The following SLC35F3 variants were observed in gnomAD, a reference collection of about 807,000 sequenced individuals.
The protein encoded by SLC35F3 is solute carrier family 35 member F3.
A neutral mutation model predicts 49.9 loss-of-function variants in SLC35F3; 25 were observed. The observed-to-expected ratio is 0.50, with a 90% confidence interval of 0.37 to 0.70. The LOEUF (loss-of-function observed/expected upper bound fraction) is 0.70. SLC35F3 is among the 30% of genes least tolerant of loss of function. SLC35F3 has a pLI of 0.00. For synonymous variants in SLC35F3, 275 were observed against 265.4 expected, an observed-to-expected ratio of 1.04 and a Z score of -0.35; for missense variants, 525 against 639.8, an observed-to-expected ratio of 0.82 and a Z score of 1.94.
intron 2 of SLC35F3, among the ~76,000 whole-genome samples, chr1:234,228,876 A>G (rs1408847599): frequency 1.3e-5 from 2 of 152,236 alleles, no homozygotes; most frequent in African/African-American, 4.8e-5. Context: ...TTTGTGATGT[A>G]TGTATAAAGA....
At chr1:233,922,982 G>T (rs1048981103) in intron 2 of SLC35F3, among the ~76,000 whole-genome samples, 1 of 151,934 alleles carries the variant, frequency 6.6e-6, no homozygotes, top group Non-Finnish European at 1.5e-5. Flanking sequence ...ATTTCTGAGG[G>T]CTCTATTATG....
chr1:234,186,415 C>T (rs765094749), intron 2 of SLC35F3, among the ~76,000 whole-genome samples: 9 of 152,224 alleles, frequency 5.9e-5, no homozygotes, highest in African/African-American at 1.9e-4. Flanking sequence ...TCAGTGGATG[C>T]GTAGCAAACC....
intron 2 of SLC35F3, among the ~76,000 whole-genome samples, chr1:234,190,787 G>A (rs1220493607): frequency 5.3e-5 from 8 of 152,154 alleles, no homozygotes; most frequent in Non-Finnish European, 8.8e-5. Flanking sequence ...CAGTGTGGCC[G>A]ACTGCCACAG....
intron 2 of SLC35F3, among the ~76,000 whole-genome samples, chr1:234,045,940 T>C (rs565299763): frequency 1.3e-5 from 2 of 152,260 alleles, no homozygotes; most frequent in East Asian, 1.9e-4. Context: ...TCAACTACTA[T>C]TTATTATATT....
In SLC35F3 at chr1:234,320,892, A is replaced by G. The variant is rs1418988122; in HGVS notation, c.1237+705A>G. On this transcript the variant is annotated intron_variant, in intron 7 of 7. Transcript: ENST00000366618. The surrounding 1 kb of genome is among the most constrained non-coding windows in gnomAD (Gnocchi z 4.8). ...TTTCTTCCCAGAACCTCCTGGCCTC[A>G]TACCTGACCTCCCTAGGCATCCTTC... Among the ~76,000 whole-genome samples, 2 of 152,014 alleles carry G rather than the reference A, an allele frequency of 1.3e-5. No individual in the cohort carries two copies. Among genetic ancestry groups the G allele is most frequent in the Non-Finnish European group, 2.9e-5 (2 of 68,004 alleles).
intron 3 of SLC35F3, among the ~76,000 whole-genome samples, chr1:234,244,661 A>G (rs1024306015): frequency 1.3e-5 from 2 of 151,672 alleles, no homozygotes; most frequent in African/African-American, 4.8e-5. Context: ...AAATTAGTAG[A>G]CTAGCAGAGG....
chr1:234,227,297 T>TA (rs1036011378), intron 2 of SLC35F3, among the ~76,000 whole-genome samples: 2 of 152,108 alleles, frequency 1.3e-5, no homozygotes, highest in Admixed American at 1.3e-4. Context: ...TAAATAGTAT[T>TA]TCTAGTTGTG....
At chr1:233,919,857 C>T (rs146383287) in intron 2 of SLC35F3, among the ~76,000 whole-genome samples, 2 of 152,208 alleles carry the variant, frequency 1.3e-5, no homozygotes, top group African/African-American at 2.4e-5. Flanking sequence ...ATCACTGCTC[C>T]CTGGAGAAGG....
chr1:233,905,602 T>A lies in SLC35F3; in HGVS notation c.127T>A (p.Tyr43Asn). The A allele has an allele frequency of 6.2e-7, 1 of 1,614,164 alleles. No homozygotes were observed. The highest frequency in any genetic ancestry group is 8.5e-7 in the Non-Finnish European group (1 of 1,180,030). ...CAGCCCCCAGCTCCGGCAGCTCAAG[T>A]ACTTGGTGGTGGACGAGGCGATTAA... is the stretch of plus-strand genomic sequence containing the variant. ...DISPQLRQLK[Y>N]LVVDEAIKED... The change falls in exon 2 of 8, where the codon TAC becomes AAC. Residue 43 changes from tyrosine to asparagine, a missense_variant. Physicochemically the swap from Tyr to Asn is moderately radical, Grantham distance 143. This residue lies in a region of SLC35F3 where 228 missense variants were observed against 218.9 expected (regional missense o/e 1.04). Coordinates refer to ENST00000366618, the MANE Select transcript of SLC35F3 (RefSeq NM_173508.4).
At chr1:233,910,087 C>G (rs1169199452) in intron 2 of SLC35F3, among the ~76,000 whole-genome samples, 1 of 152,206 alleles carries the variant, frequency 6.6e-6, no homozygotes. Flanking sequence ...TAAATTGACA[C>G]CCTGTAGGAA....
intron 3 of SLC35F3, among the ~76,000 whole-genome samples, chr1:234,271,053 G>A (rs758607511): frequency 2.5e-4 from 38 of 152,206 alleles, no homozygotes; most frequent in Non-Finnish European, 5.3e-4. Context: ...TAGCCTAAGT[G>A]TGCATTTCTT....
In SLC35F3 at chr1:234,187,382, G is replaced by C. The variant is rs533514751; in HGVS notation, c.284-44035G>C. Among the ~76,000 whole-genome samples, 61 of 152,332 alleles carry C rather than the reference G, an allele frequency of 4.0e-4. No homozygotes were observed. In the South Asian group the frequency reaches 9.3e-3, roughly 23 times the overall value. On this transcript the variant is annotated intron_variant, in intron 2 of 7. Coordinates refer to ENST00000366618, the MANE Select transcript of SLC35F3 (RefSeq NM_173508.4). ...AGGTATGAAAGAGCAGCTCCAAGGAGAGGGGGGAAAATGGCGGACAGGAGG... is the reference window on the plus strand; with the variant it reads ...AGGTATGAAAGAGCAGCTCCAAGGACAGGGGGGAAAATGGCGGACAGGAGG...
intron 2 of SLC35F3, among the ~76,000 whole-genome samples, chr1:234,112,208 A>G (rs1394165811): frequency 6.6e-6 from 1 of 151,728 alleles, no homozygotes; most frequent in Non-Finnish European, 1.5e-5. Context: ...TAAAGGAGCC[A>G]GGCATGGTGG....
chr1:234,091,881 G>T (rs998018801), intron 2 of SLC35F3, among the ~76,000 whole-genome samples: 1 of 152,170 alleles, frequency 6.6e-6, no homozygotes, highest in Non-Finnish European at 1.5e-5. Flanking sequence ...TTTTCCCCAC[G>T]CAGTATTAGT....
rs181679249 is a variant in SLC35F3, at chr1:233,938,051, A to G, written c.283+32293A>G. The stretch of plus-strand genomic sequence containing the variant: ...ACAGGTGAAGCCTTGAATCAATGCC[A>G]TTGCCCCCATTGATTAGTTGGGGTT... On this transcript the variant is annotated intron_variant, in intron 2 of 7. Coordinates refer to ENST00000366618, the MANE Select transcript of SLC35F3 (RefSeq NM_173508.4). Among the ~76,000 whole-genome samples the G allele has an allele frequency of 2.8e-3, 428 of 152,314 alleles. 1 individual carries two copies. Among genetic ancestry groups the G allele is most frequent in the Non-Finnish European group, 5.1e-3 (344 of 68,024 alleles).
At chr1:234,126,185 T>C (rs1412227517) in intron 2 of SLC35F3, among the ~76,000 whole-genome samples, 1 of 152,200 alleles carries the variant, frequency 6.6e-6, no homozygotes, top group Non-Finnish European at 1.5e-5. Flanking sequence ...ATCTTTCAGA[T>C]TCACGCATCT....
intron 3 of SLC35F3, among the ~76,000 whole-genome samples, chr1:234,298,195 TAAAGAA>T (rs1668635805): frequency 6.6e-6 from 1 of 152,048 alleles, no homozygotes; most frequent in Non-Finnish European, 1.5e-5. Context: ...GTGTGAGTGA[TAAAGAA>T]AAAGAAATGA....
chr1:234,069,903 G>A (rs980712821), intron 2 of SLC35F3, among the ~76,000 whole-genome samples: 2 of 152,180 alleles, frequency 1.3e-5, no homozygotes, highest in Non-Finnish European at 2.9e-5. Context: ...CTGGCTGCCA[G>A]CTTCTGTGTG....
intron 2 of SLC35F3, among the ~76,000 whole-genome samples, chr1:234,067,556 C>G (rs1664640208): frequency 6.6e-6 from 1 of 152,072 alleles, no homozygotes; most frequent in Non-Finnish European, 1.5e-5. Flanking sequence ...ACTTTTGAGC[C>G]CTGAAATCTG....
Sources: gnomAD v4.1 joint callset for allele counts (sites outside exome capture counted in the v4.1 genomes callset) on GRCh38, gnomAD v4.1.1 for gene constraint, gnomAD v4.1.1 regional missense constraint, Gnocchi (gnomAD v3.1) non-coding constraint, MANE v1.5 for transcripts, NCBI Gene and HGNC (gene_info 2026-07-23, HGNC 2026-07-21) for gene names.